The following APBB2 variants were observed in gnomAD, a reference collection of about 807,000 sequenced individuals.
APBB2 encodes amyloid beta precursor protein binding family B member 2, also known as Fe65-like 1.
A neutral mutation model predicts 82.5 loss-of-function variants in APBB2; 38 were observed. The observed-to-expected ratio is 0.46, with a 90% CI of 0.36 to 0.60. The LOEUF (loss-of-function observed/expected upper bound fraction) is 0.60, where lower values mean the gene tolerates loss of function less well. APBB2 is among the 20% of genes least tolerant of loss of function. The probability of loss-of-function intolerance (pLI) is 0.00; values close to 1 mark genes in which losing one functional copy is unlikely to be tolerated. For missense variants in APBB2, 772 were observed against 972.3 expected, an observed-to-expected ratio of 0.79 and a Z score of 2.74; for synonymous variants, 341 against 368.2, an observed-to-expected ratio of 0.93 and a Z score of 0.85.
intron 4 of APBB2, among the ~76,000 whole-genome samples, chr4:41,045,851 C>T (rs1045803832): frequency 2.0e-5 from 3 of 152,188 alleles, no homozygotes; most frequent in African/African-American, 7.2e-5. Context: ...TTCAAGAAAT[C>T]ACTGCTAAAG....
chr4:40,982,412 A>AGGAAAGGAAAGGAAAGGAAAG, intron 6 of APBB2, among the ~76,000 whole-genome samples: 1 of 102,154 alleles, frequency 9.8e-6, no homozygotes, highest in African/African-American at 3.9e-5. Flanking sequence ...AAAGAAAGAA[A>AGGAAAGGAAAGGAAAGGAAAG]GAAAGAAAGA....
chr4:41,033,544 T>A (rs11936565), intron 4 of APBB2, among the ~76,000 whole-genome samples: 6,831 of 150,904 alleles, frequency 0.045, 334 homozygotes, highest in African/African-American at 0.12. Flanking sequence ...TGGTAGGCCT[T>A]ACCTACCTTT....
chr4:40,952,645 G>A (rs1198950412), intron 6 of APBB2, among the ~76,000 whole-genome samples: 1 of 152,014 alleles, frequency 6.6e-6, no homozygotes, highest in Non-Finnish European at 1.5e-5. Flanking sequence ...GCCTTTATTT[G>A]GAAAAAAGTT....
chr4:41,195,943 A>G, intron 1 of APBB2, among the ~76,000 whole-genome samples: 18,922 of 152,150 alleles, frequency 0.12, 1,346 homozygotes, highest in South Asian at 0.19. Flanking sequence ...GGCAGATCAC[A>G]AGGTCAGGAG....
At chr4:40,928,152 T>A (rs1783106177) in intron 10 of APBB2, among the ~76,000 whole-genome samples, 1 of 152,152 alleles carries the variant, frequency 6.6e-6, no homozygotes, top group African/African-American at 2.4e-5. Flanking sequence ...AAGCCTTGGA[T>A]ATAGAAAGTT....
intron 6 of APBB2, among the ~76,000 whole-genome samples, chr4:40,948,670 G>C (rs1789123907): frequency 6.7e-6 from 1 of 149,652 alleles, no homozygotes; most frequent in South Asian, 2.1e-4. Context: ...TGAGGAAGGA[G>C]AATCACTTGA....
intron 4 of APBB2, among the ~76,000 whole-genome samples, chr4:41,062,755 C>T (rs145564906): frequency 7.2e-5 from 11 of 152,230 alleles, no homozygotes; most frequent in African/African-American, 1.9e-4. Context: ...GCAGAGGCCT[C>T]GGGGCAGCAA....
At chr4:41,189,880 TG>T (rs1464114475) in intron 1 of APBB2, among the ~76,000 whole-genome samples, 1 of 152,206 alleles carries the variant, frequency 6.6e-6, no homozygotes, top group Non-Finnish European at 1.5e-5. Context: ...GAGACAGGCC[TG>T]GGGCCCATTC....
At chr4:41,207,296 A>G (rs1211030006) in intron 1 of APBB2, among the ~76,000 whole-genome samples, 1 of 152,090 alleles carries the variant, frequency 6.6e-6, no homozygotes, top group African/African-American at 2.4e-5. Flanking sequence ...CTAAAGGTGA[A>G]TAACAGCAAT....
At chr4:41,124,489 C>G (rs546439095) in intron 2 of APBB2, among the ~76,000 whole-genome samples, 1 of 152,116 alleles carries the variant, frequency 6.6e-6, no homozygotes, top group East Asian at 1.9e-4. Context: ...GGATTACAGG[C>G]GTGAGCCACC....
intron 6 of APBB2, among the ~76,000 whole-genome samples, chr4:40,954,012 T>G (rs1476854549): frequency 6.6e-6 from 1 of 152,186 alleles, no homozygotes; most frequent in East Asian, 1.9e-4. Flanking sequence ...CAAGCCCATC[T>G]GTGAGCAGCA....
At chr4:41,175,652 C>G (rs560322488) in intron 1 of APBB2, among the ~76,000 whole-genome samples, 102 of 152,108 alleles carry the variant, frequency 6.7e-4, no homozygotes, top group African/African-American at 2.4e-3. Flanking sequence ...TGTATATAAA[C>G]ACAATATTCA....
At chr4:40,939,994 T>C (rs1176116324) in intron 7 of APBB2, among the ~76,000 whole-genome samples, 1 of 152,200 alleles carries the variant, frequency 6.6e-6, no homozygotes, top group African/African-American at 2.4e-5. Flanking sequence ...GCTTTGTCAT[T>C]GCAACAGATC....
In APBB2 at chr4:40,907,369, ATATATATATATTTT is replaced by A. The variant is rs1170553370; in HGVS notation, c.1255-13972_1255-13959del. Among the ~76,000 whole-genome samples the A allele has an allele frequency of 1.3e-4, 11 of 87,384 alleles. No homozygotes were observed. In the South Asian group the frequency reaches 2.1e-3, roughly 17 times the overall value. The allele number at this position is 87,384 out of a possible 152,430, so 57.3% of individuals were successfully genotyped here. ...ATTACATATATATATATATATATAT[ATATATATATATTTT>A]TTTTTTTTTTTTTTTTTAGACAGAG... is the stretch of plus-strand genomic sequence containing the variant. On this transcript the variant is annotated intron_variant, in intron 10 of 17. Coordinates refer to ENST00000508593, the MANE Select transcript of APBB2 (RefSeq NM_004307.2).
In APBB2 at chr4:40,812,261, C is replaced by G. The variant is rs983663985; in HGVS notation, c.*3831G>C. The G allele has an allele frequency of 3.3e-5, 5 of 152,174 alleles. No homozygotes were observed. Among genetic ancestry groups the G allele is most frequent in the African/African-American group, 1.2e-4 (5 of 41,438 alleles). The allele number at this position is 152,174 out of a possible 1,614,324, so 9.4% of individuals were successfully genotyped here. On this transcript the variant is annotated 3_prime_UTR_variant, in exon 18 of 18. Transcript: ENST00000508593. ...GAGACACCGAGTTTCTATTTCTATT[C>G]CTTGTATATGTGACTAAGATGTCAG...
chr4:41,210,968 G>A (rs1236907494), intron 1 of APBB2, among the ~76,000 whole-genome samples: 2 of 152,134 alleles, frequency 1.3e-5, no homozygotes, highest in Non-Finnish European at 2.9e-5. Flanking sequence ...AAAAAGCACT[G>A]AACAGACCAG....
At chr4:41,051,102 G>A (rs1725772207) in intron 4 of APBB2, among the ~76,000 whole-genome samples, 1 of 151,750 alleles carries the variant, frequency 6.6e-6, no homozygotes, top group South Asian at 2.1e-4. Flanking sequence ...GAAAGCGGAA[G>A]TCAGGAATCA....
intron 5 of APBB2, among the ~76,000 whole-genome samples, chr4:41,024,034 C>A (rs1712896394): frequency 6.6e-6 from 1 of 152,154 alleles, no homozygotes; most frequent in Non-Finnish European, 1.5e-5. Flanking sequence ...AGCCATACAT[C>A]TATGACCATC....
At chr4:41,046,741 G>A (rs1723575281) in intron 4 of APBB2, among the ~76,000 whole-genome samples, 1 of 152,166 alleles carries the variant, frequency 6.6e-6, no homozygotes, top group African/African-American at 2.4e-5. Flanking sequence ...CAGGTCATTT[G>A]GTAAGGTCTA....
Sources: gnomAD v4.1 joint callset for allele counts (sites outside exome capture counted in the v4.1 genomes callset) on GRCh38, gnomAD v4.1.1 for gene constraint, MANE v1.5 for transcripts, NCBI Gene and HGNC (gene_info 2026-07-23, HGNC 2026-07-21) for gene names.